PEAK1: variants seen among roughly 807,000 people sequenced by gnomAD.
PEAK1 encodes pseudopodium enriched atypical kinase 1.
Under a neutral mutation model 124.7 loss-of-function variants are expected in PEAK1, and 54 were observed. That is an observed-to-expected ratio of 0.43 (90% CI 0.35 to 0.54). The LOEUF (loss-of-function observed/expected upper bound fraction) is 0.54. Among genes scored for constraint, PEAK1 ranks in the 20% least tolerant of loss-of-function variants. The pLI is 0.01. For synonymous variants in PEAK1, 719 were observed against 760.0 expected (o/e 0.95, Z 0.89); for missense variants, 2,046 against 2,134.5 (o/e 0.96, Z 0.82).
At chr15:77,205,451 C>T (rs2058593962) in intron 6 of PEAK1, among the ~76,000 whole-genome samples, 1 of 152,048 alleles carries the variant, frequency 6.6e-6, no homozygotes, top group Admixed American at 6.6e-5. Flanking sequence ...TACTAACTGG[C>T]AATATGGAGC....
intron 8 of PEAK1, among the ~76,000 whole-genome samples, chr15:77,153,084 C>G (rs1201411375): frequency 2.6e-5 from 4 of 151,970 alleles, no homozygotes; most frequent in African/African-American, 9.7e-5. Flanking sequence ...CTCCTTGTAC[C>G]TCTGGTAGAA....
chr15:77,200,552 A>G (rs2058315288), intron 6 of PEAK1, among the ~76,000 whole-genome samples: 1 of 152,210 alleles, frequency 6.6e-6, no homozygotes, highest in Non-Finnish European at 1.5e-5. Flanking sequence ...TAAACATATT[A>G]AAGTTTAAGA....
chr15:77,323,779 A>T (rs2065393205), intron 2 of PEAK1, among the ~76,000 whole-genome samples: 1 of 152,194 alleles, frequency 6.6e-6, no homozygotes, highest in Non-Finnish European at 1.5e-5. Context: ...ATTGGAAAAA[A>T]CTACTTTAAA....
chr15:77,179,630 A>G lies in PEAK1; in HGVS notation c.2297T>C (p.Val766Ala). Reference protein sequence around the residue: ...SSSTREKASTVLSQIVASIQP... With the variant: ...SSSTREKASTALSQIVASIQP... ...GATTGAAGCCACAATCTGAGAAAGC[A>G]CTGTGCTTGCTTTCTCTCTGGTGCT... Residue 766 changes from valine (V) to alanine (A), a missense_variant, in exon 7 of 10, where the codon GTG (valine) becomes GCG (alanine). Physicochemically the swap from Val to Ala is moderately conservative, Grantham distance 64. Coordinates refer to ENST00000682557, the MANE Select transcript of PEAK1 (RefSeq NM_001385026.1). 1 of 1,614,148 alleles carries G rather than the reference A, an allele frequency of 6.2e-7. No homozygotes were observed. The highest frequency in any genetic ancestry group is 8.5e-7 in the Non-Finnish European group (1 of 1,180,014).
At chr15:77,330,928 C>T (rs2065855578) in intron 2 of PEAK1, 1 of 706,018 alleles carries the variant, frequency 1.4e-6, no homozygotes, top group African/African-American at 1.9e-5. Flanking sequence ...TCTCTTGGTT[C>T]CAAAACAATT....
Position 77,207,440 on chromosome 15 carries a change from G to C in PEAK1, c.-114-25400C>G, listed in dbSNP as rs80253399. On this transcript the variant is annotated intron_variant, in intron 6 of 9. Coordinates refer to ENST00000682557, the MANE Select transcript of PEAK1 (RefSeq NM_001385026.1). The stretch of plus-strand genomic sequence containing the variant: ...TGCTAAAACTTGAAGTAAGGAAAGT[G>C]AATGGACAAACTGTGGTATACCCAT... Among the ~76,000 whole-genome samples the C allele has an allele frequency of 6.4e-4, 97 of 152,284 alleles. 1 individual carries two copies. The East Asian group carries it at 0.011, about 18-fold the overall frequency.
chr15:77,237,162 G>A (rs550382895), intron 6 of PEAK1, among the ~76,000 whole-genome samples: 2 of 152,212 alleles, frequency 1.3e-5, no homozygotes, highest in South Asian at 2.1e-4. Flanking sequence ...TAACACTGAA[G>A]ATATTAGTTA....
intron 6 of PEAK1, among the ~76,000 whole-genome samples, chr15:77,239,634 A>G (rs2060269467): frequency 6.6e-6 from 1 of 152,216 alleles, no homozygotes; most frequent in Non-Finnish European, 1.5e-5. Context: ...AGGAAGATCA[A>G]GTGAAATAGG....
At chr15:77,381,803 T>C (rs1332057115) in intron 1 of PEAK1, among the ~76,000 whole-genome samples, 2 of 152,122 alleles carry the variant, frequency 1.3e-5, no homozygotes, top group South Asian at 2.1e-4. Flanking sequence ...AAGCACACCA[T>C]AGTATCCCCC....
chr15:77,420,356 A>G (rs2073278187), upstream of PEAK1: 1 of 151,414 alleles, frequency 6.6e-6, no homozygotes, highest in South Asian at 2.1e-4. Flanking sequence ...CTGCCTTCCA[A>G]CCTCCAGAGG....
At chr15:77,271,184 C>T (rs958996697) in intron 5 of PEAK1, among the ~76,000 whole-genome samples, 3 of 152,064 alleles carry the variant, frequency 2.0e-5, no homozygotes, top group East Asian at 1.9e-4. Flanking sequence ...GAAAAAATGC[C>T]CATCATCACT....
Position 77,111,669 on chromosome 15 carries a change from C to G in PEAK1, c.*2487G>C, listed in dbSNP as rs1462878891. 1 of 151,892 alleles carries G rather than the reference C, an allele frequency of 6.6e-6. No homozygotes were observed. The highest frequency in any genetic ancestry group is 1.5e-5 in the Non-Finnish European group (1 of 68,026). 9.4% of individuals were successfully genotyped at this position (151,892 alleles called of 1,614,324 possible). ...GATAATGGTAGTGGAGGTGTCCATG[C>G]TTATTATACCATAGAGTTAAAGTGA... On this transcript the variant is annotated 3_prime_UTR_variant, in exon 10 of 10. Transcript: ENST00000682557.
At chr15:77,408,003 A>G (rs2072014295) in intron 1 of PEAK1, among the ~76,000 whole-genome samples, 1 of 151,190 alleles carries the variant, frequency 6.6e-6, no homozygotes, top group African/African-American at 2.4e-5. Context: ...ACATACACAC[A>G]CGTACACATA....
At chr15:77,118,535 A>T (rs1273137544) in intron 9 of PEAK1, among the ~76,000 whole-genome samples, 2 of 152,164 alleles carry the variant, frequency 1.3e-5, no homozygotes, top group Non-Finnish European at 2.9e-5. Flanking sequence ...TTCCTGTCAA[A>T]TTTTTTCCTT....
intron 6 of PEAK1, among the ~76,000 whole-genome samples, chr15:77,197,820 A>G (rs1244742575): frequency 6.6e-6 from 1 of 152,196 alleles, no homozygotes; most frequent in Non-Finnish European, 1.5e-5. Context: ...ATGGGTTTGA[A>G]CTGCGCAGTT....
At chr15:77,189,876 A>G (rs2057746513) in intron 6 of PEAK1, among the ~76,000 whole-genome samples, 1 of 152,204 alleles carries the variant, frequency 6.6e-6, no homozygotes, top group Admixed American at 6.5e-5. Context: ...AGGGAGTCAC[A>G]GCTGATTGAG....
intron 6 of PEAK1, among the ~76,000 whole-genome samples, chr15:77,222,823 T>C (rs2059448681): frequency 1.3e-5 from 2 of 152,004 alleles, no homozygotes; most frequent in East Asian, 1.9e-4. Flanking sequence ...TATGAAATAG[T>C]TCAAAATGGC....
chr15:77,186,168 AT>A (rs773220634), intron 6 of PEAK1, among the ~76,000 whole-genome samples: 2 of 152,234 alleles, frequency 1.3e-5, no homozygotes, highest in Non-Finnish European at 2.9e-5. Flanking sequence ...AAGAATTTAA[AT>A]TAAAAAATTC....
At chr15:77,155,629 T>TAGGTA (rs1405942326) in intron 8 of PEAK1, 1 of 152,236 alleles carries the variant, frequency 6.6e-6, no homozygotes, top group Non-Finnish European at 1.5e-5. Context: ...CTACTTTTGG[T>TAGGTA]CTTTGATGAT....
Sources: allele counts gnomAD v4.1 joint callset (sites outside exome capture counted in the v4.1 genomes callset), GRCh38; gene constraint gnomAD v4.1.1; transcripts MANE v1.5; gene names NCBI Gene and HGNC (gene_info 2026-07-23, HGNC 2026-07-21).